Variants in FREM2 observed in about 807,000 individuals in gnomAD.
FREM2 encodes the protein FRAS1-related extracellular matrix protein 2.
In FREM2, 119 loss-of-function variants were observed where a neutral mutation model predicts 219.9. The ratio of observed to expected loss-of-function variants is 0.54; its 90% CI spans 0.47 to 0.63. The LOEUF is 0.63. Ranked by LOEUF, FREM2 falls within the 30% of genes least tolerant of loss-of-function variation. The pLI is 0.00. For synonymous variants in FREM2, 1,562 were observed against 1,522.8 expected (o/e 1.03, Z -0.60); for missense variants, 4,030 against 3,993.6 (o/e 1.01, Z -0.25).
At chr13:38,780,649 A>G (rs1212039089) in intron 4 of FREM2, among the ~76,000 whole-genome samples, 1 of 152,222 alleles carries the variant, frequency 6.6e-6, no homozygotes, top group East Asian at 1.9e-4. Flanking sequence ...ACACATTAAA[A>G]TACAACTCTG....
At chr13:38,773,586 G>C (rs1873757226) in intron 4 of FREM2, among the ~76,000 whole-genome samples, 1 of 151,924 alleles carries the variant, frequency 6.6e-6, no homozygotes, top group African/African-American at 2.4e-5. Context: ...GTGTTTGTTT[G>C]TTTTTTTGAT....
chr13:38,801,309 G>T (rs138941919), intron 6 of FREM2, among the ~76,000 whole-genome samples: 2 of 152,196 alleles, frequency 1.3e-5, no homozygotes, highest in African/African-American at 2.4e-5. Context: ...ATTAAAATTA[G>T]CATTTTTAAT....
intron 2 of FREM2, among the ~76,000 whole-genome samples, chr13:38,729,065 C>T (rs1309939613): frequency 6.6e-6 from 1 of 152,200 alleles, no homozygotes. Context: ...GAACTCCCGA[C>T]CTCAGGTGAT....
intron 10 of FREM2, 152 bp downstream of exon 10, chr13:38,851,260 A>G (rs1295299607): frequency 2.8e-6 from 2 of 722,890 alleles, no homozygotes; most frequent in African/African-American, 1.8e-5. Flanking sequence ...AGACAAACAA[A>G]TGGGGAACAA....
rs370954726 is a variant in FREM2 at position 38,850,218 on chromosome 13, T to C, written c.6560T>C (p.Ile2187Thr). The change falls in exon 9 of 24, where the codon ATC becomes ACC. Residue 2187 changes from isoleucine to threonine, a missense_variant. This residue lies in a region of FREM2 where 3,102 missense variants were observed against 2,950.7 expected (regional missense o/e 1.05). Coordinates refer to ENST00000280481, the MANE Select transcript of FREM2 (RefSeq NM_207361.6). Reference sequence around the variant, plus strand: ...GAACGCCCAAACACTGATACCTCCATCATCACATTCCTCCCTGGTAAGCTT... The same window carrying C: ...GAACGCCCAAACACTGATACCTCCACCATCACATTCCTCCCTGGTAAGCTT... ...FEERPNTDTS[I>T]ITFLPGETEK... The C allele has an allele frequency of 6.2e-7, 1 of 1,613,738 alleles. No individual in the cohort carries two copies. The highest frequency in any genetic ancestry group is 1.3e-5 in the African/African-American group (1 of 74,918).
intron 6 of FREM2, among the ~76,000 whole-genome samples, chr13:38,804,041 A>G: frequency 6.6e-6 from 1 of 152,216 alleles, no homozygotes; most frequent in East Asian, 1.9e-4. Flanking sequence ...TAACGGCAGA[A>G]CAGTCATTAT....
At chr13:38,841,484 T>C (rs1045009664) in intron 6 of FREM2, among the ~76,000 whole-genome samples, 1 of 152,170 alleles carries the variant, frequency 6.6e-6, no homozygotes, top group African/African-American at 2.4e-5. Context: ...CCCTAGCGTC[T>C]GTATTTTTAA....
intron 2 of FREM2, among the ~76,000 whole-genome samples, chr13:38,702,715 T>C (rs1870389954): frequency 1.3e-5 from 2 of 152,136 alleles, no homozygotes; most frequent in African/African-American, 4.8e-5. Flanking sequence ...GGAGGAGTCT[T>C]ACATTTGTAT....
intron 2 of FREM2, among the ~76,000 whole-genome samples, chr13:38,705,640 G>C (rs1870509667): frequency 6.6e-6 from 1 of 152,156 alleles, no homozygotes; most frequent in African/African-American, 2.4e-5. Flanking sequence ...ACAGTACCTA[G>C]CTAATAGGGT....
intron 12 of FREM2, among the ~76,000 whole-genome samples, chr13:38,857,503 T>C (rs557164472): frequency 1.3e-5 from 2 of 152,130 alleles, no homozygotes; most frequent in Admixed American, 1.3e-4. Context: ...CCAGCTTTAC[T>C]CCCACTGTCA....
At chr13:38,842,649 A>G (rs935871469) in intron 6 of FREM2, among the ~76,000 whole-genome samples, 4 of 152,224 alleles carry the variant, frequency 2.6e-5, no homozygotes, top group Non-Finnish European at 4.4e-5. Flanking sequence ...ATGATGGTCT[A>G]TGCGCACTTG....
Position 38,689,774 on chromosome 13 carries a change from T to A in FREM2, c.2430T>A (p.Ala810=), listed in dbSNP as rs1229914142. The A allele has an allele frequency of 1.2e-6, 2 of 1,613,504 alleles. No individual in the cohort carries two copies. Among genetic ancestry groups the A allele is most frequent in the South Asian group, 2.2e-5 (2 of 90,982 alleles). ...AQFQFQVEDR[A]GNVAPGTFTL... is the part of the protein sequence containing the mutation. ...TCCAGTTCCAGGTGGAAGACCGAGC[T>A]GGGAATGTGGCTCCAGGTACCTTTA... Residue 810 remains alanine, a synonymous_variant, in exon 1 of 24, where the codon GCT becomes GCA. Coordinates refer to ENST00000280481, the MANE Select transcript of FREM2 (RefSeq NM_207361.6).
At position 38,692,358 on chromosome 13, in the gene FREM2, A is replaced by G; in HGVS notation, c.5014A>G (p.Thr1672Ala). The change falls in exon 1 of 24, where the codon ACT becomes GCT. Residue 1672 changes from threonine (T) to alanine (A), a missense_variant. By Grantham distance (58) the Thr-to-Ala change is moderately conservative (BLOSUM62 0). Coordinates refer to ENST00000280481, the MANE Select transcript of FREM2 (RefSeq NM_207361.6). Reference protein sequence around the residue: ...KGASTLRTLATGHLGFMITSK... With the variant: ...KGASTLRTLAAGHLGFMITSK... ...GGCCTCTACACTTCGCACTCTAGCC[A>G]CTGGCCACTTGGGGTTCATGATCAC... 1 of 1,605,708 alleles carries G rather than the reference A, an allele frequency of 6.2e-7. No individual in the cohort carries two copies. The highest frequency in any genetic ancestry group is 8.5e-7 in the Non-Finnish European group (1 of 1,175,158).
rs368316560 is a variant in FREM2 at position 38,692,179 on chromosome 13, G to A, written c.4835G>A (p.Ser1612Asn). Residue 1612 changes from serine to asparagine, a missense_variant, in exon 1 of 24, where the codon AGT becomes AAT. By Grantham distance (46) the Ser-to-Asn change is conservative (BLOSUM62 1). Coordinates refer to ENST00000280481, the MANE Select transcript of FREM2 (RefSeq NM_207361.6). The part of the protein sequence containing the change: ...ISYKHDGTES[S>N]EDSFSFTVTD... Reference sequence around the variant, plus strand: ...TACAAACATGATGGCACTGAGTCAAGTGAAGATAGCTTCTCCTTCACAGTG... The same window carrying A: ...TACAAACATGATGGCACTGAGTCAAATGAAGATAGCTTCTCCTTCACAGTG... 3 of 1,614,204 alleles carry A rather than the reference G, an allele frequency of 1.9e-6. No homozygotes were observed. The highest frequency in any genetic ancestry group is 1.1e-5 in the South Asian group (1 of 91,080).
chr13:38,852,704 CTTTT>C (rs369947598), intron 11 of FREM2, among the ~76,000 whole-genome samples: 1 of 131,408 alleles, frequency 7.6e-6, no homozygotes. Context: ...ATGTCACCAT[CTTTT>C]TTTTTTTTTT....
chr13:38,697,659 T>A (rs1189455699), intron 1 of FREM2, 39 bp from the exon 2 acceptor site: 1 of 1,140,288 alleles, frequency 8.8e-7, no homozygotes, highest in Non-Finnish European at 1.3e-6. Flanking sequence ...TCAATTTTAC[T>A]CTGGTAATTA....
At chr13:38,819,277 C>T (rs1343027823) in intron 6 of FREM2, among the ~76,000 whole-genome samples, 1 of 152,124 alleles carries the variant, frequency 6.6e-6, no homozygotes, top group Non-Finnish European at 1.5e-5. Context: ...AGCTTTGTTC[C>T]ACTGCACACA....
In FREM2 at chr13:38,688,708, G is replaced by A. The variant is rs1217298919; in HGVS notation, c.1364G>A (p.Arg455Gln). ...CTTATTCTCTATGAGGGTCAGTCTC[G>A]GCCCCTCACAGGCCCTGCAGGCAGT... ...TGLILYEGQS[R>Q]PLTGPAGSGP... Residue 455 changes from arginine to glutamine, a missense_variant, in exon 1 of 24, where the codon CGG becomes CAG. Around this residue, in one of 2 missense-constraint regions of FREM2, gnomAD observed 3,102 missense variants for 2,950.7 expected, o/e 1.05. Transcript: ENST00000280481. 4 of 1,613,942 alleles carry A rather than the reference G, an allele frequency of 2.5e-6. No homozygotes were observed. Among genetic ancestry groups the A allele is most frequent in the Non-Finnish European group, 1.7e-6 (2 of 1,179,878 alleles).
chr13:38,783,477 A>T (rs1197340067), intron 5 of FREM2, among the ~76,000 whole-genome samples: 2 of 30,068 alleles, frequency 6.7e-5, no homozygotes, highest in African/African-American at 1.9e-4. Flanking sequence ...ACTATATAAA[A>T]AAAAAAAAAA....
Sources: gnomAD v4.1 joint callset for allele counts (sites outside exome capture counted in the v4.1 genomes callset) on GRCh38, gnomAD v4.1.1 for gene constraint, gnomAD v4.1.1 regional missense constraint, MANE v1.5 for transcripts, NCBI Gene and HGNC (gene_info 2026-07-23, HGNC 2026-07-21) for gene names.